Variants in CDC40 observed in about 807,000 individuals in gnomAD.
CDC40 encodes the protein pre-mRNA-processing factor 17.
CDC40 carries 27 observed loss-of-function variants against 80.6 expected under a neutral mutation model. The ratio of observed to expected loss-of-function variants is 0.33; its 90% CI spans 0.25 to 0.46. The LOEUF (loss-of-function observed/expected upper bound fraction) is 0.46. CDC40 is among the 20% of genes least tolerant of loss of function. The probability of loss-of-function intolerance (pLI) is 1.00; values close to 1 mark genes in which losing one functional copy is unlikely to be tolerated. For synonymous variants in CDC40, 221 were observed against 232.6 expected (o/e 0.95, Z 0.45); for missense variants, 486 against 694.1 (o/e 0.70, Z 3.37).
At chr6:110,205,534 A>G (rs1303077999) in intron 3 of CDC40, among the ~76,000 whole-genome samples, 1 of 152,182 alleles carries the variant, frequency 6.6e-6, no homozygotes, top group Non-Finnish European at 1.5e-5. Context: ...TATGGCAGTA[A>G]AGATTTTTAC....
chr6:110,216,576 T>C (rs966871891), intron 9 of CDC40, among the ~76,000 whole-genome samples: 4 of 152,140 alleles, frequency 2.6e-5, no homozygotes, highest in Admixed American at 2.0e-4. Context: ...AAGGAGATGA[T>C]AGAAGCTCTG....
At position 110,193,252 on chromosome 6, in the gene CDC40, C is replaced by T; in HGVS notation, c.260C>T (p.Thr87Ile). 2 of 1,598,254 alleles carry T rather than the reference C, an allele frequency of 1.3e-6. No homozygotes were observed. Among genetic ancestry groups the T allele is most frequent in the Non-Finnish European group, 1.7e-6 (2 of 1,165,728 alleles). Residue 87 changes from threonine (T) to isoleucine (I), a missense_variant, in exon 2 of 15, where the codon ACC (threonine) becomes ATC (isoleucine). Thr to Ile is a moderately conservative substitution (Grantham distance 89). This residue lies in a region of CDC40 where 381 missense variants were observed against 492.1 expected (regional missense o/e 0.77). Transcript: ENST00000307731. ...KEVQYNPTYE[T>I]MFAPEFGPEN... ...GTTCAGTATAATCCTACCTATGAGA[C>T]CATGTTTGCTCCTGAGGTAAGAAAA...
At chr6:110,217,124 C>A (rs908113362) in intron 9 of CDC40, among the ~76,000 whole-genome samples, 2 of 152,082 alleles carry the variant, frequency 1.3e-5, no homozygotes, top group Non-Finnish European at 2.9e-5. Context: ...AAATAAAAAA[C>A]CATGCAAGCT....
At position 110,231,373 on chromosome 6, in the gene CDC40, G is replaced by A. The variant is rs9487320; in HGVS notation, c.*1242G>A. 11,586 of 152,234 alleles carry A rather than the reference G, an allele frequency of 0.076. 523 individuals are homozygous for A. The highest frequency in any genetic ancestry group is 0.14 in the South Asian group (658 of 4,810). The allele number at this position is 152,234 out of a possible 1,614,324, so 9.4% of individuals were successfully genotyped here. On this transcript the variant is annotated 3_prime_UTR_variant, in exon 15 of 15. Transcript: ENST00000307731. Reference sequence around the variant, plus strand: ...AAATTAGCCAGGCTTGGTGGCTGGCGCCTGTAATTCCAGCTACTCAGAAGG... The same window carrying A: ...AAATTAGCCAGGCTTGGTGGCTGGCACCTGTAATTCCAGCTACTCAGAAGG...
intron 14 of CDC40, among the ~76,000 whole-genome samples, chr6:110,229,659 CTCTGTT>C (rs1777910244): frequency 6.6e-6 from 1 of 152,130 alleles, no homozygotes; most frequent in South Asian, 2.1e-4. Context: ...GTTCTCCAGT[CTCTGTT>C]TCTGACTATC....
intron 2 of CDC40, among the ~76,000 whole-genome samples, chr6:110,199,909 T>C (rs146725474): frequency 0.018 from 2,722 of 152,136 alleles, 39 homozygotes; most frequent in Middle Eastern, 0.027. Context: ...GGGTAGAGAA[T>C]CTAGGAAACT....
intron 1 of CDC40, 79 bp from the exon 2 acceptor site, chr6:110,193,103 C>T: frequency 1.3e-6 from 1 of 797,310 alleles, no homozygotes. Flanking sequence ...TTAAAGATGG[C>T]TAGTGTGACT....
At chr6:110,191,751 C>T (rs1034747640) in intron 1 of CDC40, among the ~76,000 whole-genome samples, 3 of 152,036 alleles carry the variant, frequency 2.0e-5, no homozygotes, top group African/African-American at 7.2e-5. Context: ...AGGCATAGTG[C>T]TAGATGAAGA....
chr6:110,185,317 A>G (rs930686366), intron 1 of CDC40, among the ~76,000 whole-genome samples: 4 of 134,642 alleles, frequency 3.0e-5, no homozygotes, highest in Non-Finnish European at 4.6e-5. Flanking sequence ...ATCTCGGCTC[A>G]CTGCAAGCTC....
At chr6:110,205,757 T>A (rs114782140) in intron 3 of CDC40, among the ~76,000 whole-genome samples, 1 of 152,222 alleles carries the variant, frequency 6.6e-6, no homozygotes, top group Non-Finnish European at 1.5e-5. Context: ...ACATTCTAGC[T>A]AGATACGTTT....
At chr6:110,212,535 G>C (rs772898553) in intron 7 of CDC40, among the ~76,000 whole-genome samples, 1 of 152,150 alleles carries the variant, frequency 6.6e-6, no homozygotes, top group Admixed American at 6.5e-5. Flanking sequence ...TTCCCCACAA[G>C]CTCCTGCTAC....
chr6:110,183,997 T>A (rs1777233240), intron 1 of CDC40, among the ~76,000 whole-genome samples: 1 of 152,204 alleles, frequency 6.6e-6, no homozygotes, highest in Non-Finnish European at 1.5e-5. Context: ...TTACAAACAA[T>A]TATTTATGTA....
chr6:110,210,795 T>C lies in CDC40; in HGVS notation c.719T>C (p.Ile240Thr). The C allele has an allele frequency of 6.5e-7, 1 of 1,532,876 alleles. No homozygotes were observed. The highest frequency in any genetic ancestry group is 2.4e-5 in the East Asian group (1 of 42,290). The allele number at this position is 1,532,876 out of a possible 1,614,324, so 95.0% of individuals were successfully genotyped here. ...EEEKPGEEKT[I>T]LHVKEMYDYQ... Reference sequence around the variant, plus strand: ...GAGAAACCTGGGGAGGAGAAGACAATCTTACATGGTAACATATTTTTTGTA... The same window carrying C: ...GAGAAACCTGGGGAGGAGAAGACAACCTTACATGGTAACATATTTTTTGTA... The change falls in exon 6 of 15, where the codon ATC becomes ACC. Residue 240 changes from isoleucine (I) to threonine (T), a missense_variant. Physicochemically the swap from Ile to Thr is moderately conservative, Grantham distance 89. Around this residue, in one of 3 missense-constraint regions of CDC40, gnomAD observed 381 missense variants for 492.1 expected, o/e 0.77. Coordinates refer to ENST00000307731, the MANE Select transcript of CDC40 (RefSeq NM_015891.3).
chr6:110,201,823 T>C (rs900274207), intron 3 of CDC40, 136 bp downstream of exon 3: 12 of 534,412 alleles, frequency 2.2e-5, no homozygotes, highest in African/African-American at 2.1e-4. Flanking sequence ...TTCCTATACA[T>C]ATCCTTAAAT....
chr6:110,221,784 C>CATGT (rs1255587373), intron 12 of CDC40, among the ~76,000 whole-genome samples: 1 of 151,018 alleles, frequency 6.6e-6, no homozygotes, highest in Non-Finnish European at 1.5e-5. Flanking sequence ...GGCTTAAGGA[C>CATGT]ATGTGTATGT....
Position 110,212,185 on chromosome 6 carries a change from T to C in CDC40, c.780T>C (p.Asp260=). The change falls in exon 7 of 15, where the codon GAT becomes GAC. Residue 260 remains aspartate (D), a synonymous_variant. Coordinates refer to ENST00000307731, the MANE Select transcript of CDC40 (RefSeq NM_015891.3). The part of the protein sequence containing the change: ...QGRSYLHIPQ[D]VGVNLRSTMP... ...GGTCCTATCTTCACATACCTCAGGA[T>C]GTTGGTGTTAATCTACGGTCAACTA... is the stretch of plus-strand genomic sequence containing the variant. 1 of 1,613,140 alleles carries C rather than the reference T, an allele frequency of 6.2e-7. No homozygotes were observed. Among genetic ancestry groups the C allele is most frequent in the Non-Finnish European group, 8.5e-7 (1 of 1,179,124 alleles).
chr6:110,196,377 T>C (rs1161161537), intron 2 of CDC40, among the ~76,000 whole-genome samples: 2 of 152,224 alleles, frequency 1.3e-5, no homozygotes, highest in Non-Finnish European at 2.9e-5. Context: ...GCTGGTTATA[T>C]AGATAATTTT....
intron 10 of CDC40, among the ~76,000 whole-genome samples, chr6:110,218,331 A>G (rs1777726387): frequency 6.6e-6 from 1 of 152,176 alleles, no homozygotes; most frequent in African/African-American, 2.4e-5. Context: ...TCTTACTGTC[A>G]TTACCCTTAC....
chr6:110,211,979 T>C (rs1777642742), intron 6 of CDC40, 154 bp from the exon 7 acceptor site: 5 of 611,430 alleles, frequency 8.2e-6, no homozygotes, highest in African/African-American at 1.8e-5. Context: ...ACTTAAATCT[T>C]AGCTGACTCA....
Sources: allele counts gnomAD v4.1 joint callset (sites outside exome capture counted in the v4.1 genomes callset), GRCh38; gene constraint gnomAD v4.1.1; regional missense constraint gnomAD v4.1.1; transcripts MANE v1.5; gene names NCBI Gene and HGNC (gene_info 2026-07-23, HGNC 2026-07-21).